ADAM17: variants seen among roughly 807,000 people sequenced by gnomAD.
The protein encoded by ADAM17 is disintegrin and metalloproteinase domain-containing protein 17.
A neutral mutation model predicts 96.7 loss-of-function variants in ADAM17; 39 were observed. The observed-to-expected ratio is 0.40, with a 90% confidence interval of 0.31 to 0.53. The LOEUF (loss-of-function observed/expected upper bound fraction) is 0.53. ADAM17 is among the 20% of genes least tolerant of loss of function. The pLI is 0.44. For synonymous variants in ADAM17, 344 were observed against 359.2 expected (o/e 0.96, Z 0.48); for missense variants, 777 against 1,013.2 (o/e 0.77, Z 3.17).
chr2:9,527,283 C>CAAAGA (rs34163664), intron 5 of ADAM17, among the ~76,000 whole-genome samples: 62,989 of 150,160 alleles, frequency 0.42, 14,173 homozygotes, highest in Middle Eastern at 0.61. Context: ...GATCGCGCTG[C>CAAAGA]AAACAAAACA....
chr2:9,526,352 A>C, intron 5 of ADAM17, 108 bp from the exon 6 acceptor site: 2 of 1,136,452 alleles, frequency 1.8e-6, no homozygotes, highest in Middle Eastern at 2.5e-4. Context: ...ATGTGAGCTT[A>C]ATATCACTAA....
intron 2 of ADAM17, among the ~76,000 whole-genome samples, chr2:9,539,221 C>A (rs1429100230): frequency 6.6e-6 from 1 of 151,922 alleles, no homozygotes; most frequent in East Asian, 1.9e-4. Flanking sequence ...CATTCCCCTG[C>A]CTCAGCCTCC....
At chr2:9,495,123 G>A (rs1347153668) in intron 14 of ADAM17, among the ~76,000 whole-genome samples, 1 of 152,170 alleles carries the variant, frequency 6.6e-6, no homozygotes, top group Admixed American at 6.5e-5. Context: ...TTCAATCCTT[G>A]GTTTTTCAGT....
chr2:9,543,567 T>C lies in ADAM17; in HGVS notation c.98-282A>G, dbSNP rs10179642. On this transcript the variant is annotated intron_variant, in intron 1 of 18. Transcript: ENST00000310823. ...TCAACAACTATCACTGCAGACACTATGGTATTCAAAATCCTTCCAATGGAC... is the reference window on the plus strand; with the variant it reads ...TCAACAACTATCACTGCAGACACTACGGTATTCAAAATCCTTCCAATGGAC... Among the ~76,000 whole-genome samples the C allele has an allele frequency of 0.16, 23,594 of 152,182 alleles. 1,951 individuals are homozygous for C. Among genetic ancestry groups the C allele is most frequent in the African/African-American group, 0.19 (7,899 of 41,506 alleles).
At chr2:9,529,543 G>A (rs138024851) in intron 4 of ADAM17, among the ~76,000 whole-genome samples, 7 of 152,290 alleles carry the variant, frequency 4.6e-5, no homozygotes, top group African/African-American at 1.7e-4. Flanking sequence ...TAAATAGACA[G>A]TAGATCCCTG....
intron 13 of ADAM17, among the ~76,000 whole-genome samples, chr2:9,498,058 C>T (rs1472023832): frequency 6.6e-6 from 1 of 152,116 alleles, no homozygotes; most frequent in Admixed American, 6.5e-5. Flanking sequence ...GAGACAGGGT[C>T]TCAGTCTGTC....
At position 9,523,237 on chromosome 2, in the gene ADAM17, ATT is replaced by A. The variant is rs759407563; in HGVS notation, c.843+10_843+11del. 1.3e-6 allele frequency: 2 copies of A among 1,579,230 alleles called. No homozygotes were observed. The highest frequency in any genetic ancestry group is 1.7e-6 in the Non-Finnish European group (2 of 1,154,650). On this transcript the variant is annotated intron_variant, in intron 7 of 18. Transcript: ENST00000310823. ...AACTTAAGTAATATAAGCCATATCT[ATT>A]GATAAATACCTGCTCTATCTGTATT...
chr2:9,533,611 A>G (rs1664841013), intron 4 of ADAM17, among the ~76,000 whole-genome samples: 2 of 152,208 alleles, frequency 1.3e-5, no homozygotes, highest in African/African-American at 2.4e-5. Flanking sequence ...AGCAAAAACA[A>G]TGCTGTGCAT....
chr2:9,532,398 T>C (rs1406490542), intron 4 of ADAM17, among the ~76,000 whole-genome samples: 1 of 152,164 alleles, frequency 6.6e-6, no homozygotes, highest in Admixed American at 6.5e-5. Context: ...TAAATCATTT[T>C]TTCAATAAAC....
At position 9,490,062 on chromosome 2, in the gene ADAM17, AC is replaced by A; in HGVS notation, c.*114del. ...TACCTGCAGGAAGTTCAAACACATGACCAGCATCTGCTAAGTCACTTCCCAG... is the reference window on the plus strand; with the variant it reads ...TACCTGCAGGAAGTTCAAACACATGACAGCATCTGCTAAGTCACTTCCCAG... On this transcript the variant is annotated 3_prime_UTR_variant, in exon 19 of 19. Coordinates refer to ENST00000310823, the MANE Select transcript of ADAM17 (RefSeq NM_003183.6). 1 of 999,630 alleles carries A rather than the reference AC, an allele frequency of 1.0e-6. No individual in the cohort carries two copies. The highest frequency in any genetic ancestry group is 1.4e-6 in the Non-Finnish European group (1 of 697,322). 61.9% of individuals were successfully genotyped at this position (999,630 alleles called of 1,614,324 possible).
chr2:9,491,900 A>C (rs1251145010), intron 17 of ADAM17, among the ~76,000 whole-genome samples: 1 of 152,228 alleles, frequency 6.6e-6, no homozygotes, highest in Non-Finnish European at 1.5e-5. Context: ...TAAACAAAAT[A>C]GGTTCCATCC....
chr2:9,526,621 C>T (rs1664541963), intron 5 of ADAM17, among the ~76,000 whole-genome samples: 1 of 152,028 alleles, frequency 6.6e-6, no homozygotes. Flanking sequence ...CATGATGAAA[C>T]CCCATCTCTA....
At chr2:9,514,644 C>T (rs944416164) in intron 10 of ADAM17, among the ~76,000 whole-genome samples, 8 of 147,708 alleles carry the variant, frequency 5.4e-5, no homozygotes, top group Admixed American at 3.4e-4. Context: ...GAGGCCAAGG[C>T]GGGCAGATCA....
chr2:9,522,281 T>C (rs35744046), intron 7 of ADAM17: 111,061 of 443,046 alleles, frequency 0.25, 16,262 homozygotes, highest in Non-Finnish European at 0.31. Context: ...GACATATACA[T>C]ACACTATACC....
chr2:9,500,937 A>T (rs1662961370), intron 13 of ADAM17, among the ~76,000 whole-genome samples: 1 of 152,240 alleles, frequency 6.6e-6, no homozygotes, highest in African/African-American at 2.4e-5. Flanking sequence ...AGCTGTGGAA[A>T]ATATCTTTTT....
At chr2:9,538,501 C>T (rs929679670) in intron 2 of ADAM17, among the ~76,000 whole-genome samples, 1 of 152,202 alleles carries the variant, frequency 6.6e-6, no homozygotes, top group Non-Finnish European at 1.5e-5. Context: ...TCTTCCCACA[C>T]ATTCTCAGTT....
At chr2:9,546,677 G>T (rs956234848) in intron 1 of ADAM17, among the ~76,000 whole-genome samples, 1 of 150,756 alleles carries the variant, frequency 6.6e-6, no homozygotes, top group Non-Finnish European at 1.5e-5. Context: ...ACCAGACACT[G>T]CCGCACTGTC....
rs985620851 is a variant in ADAM17 at position 9,491,787 on chromosome 2, T to C, written c.2083-636A>G. Among the ~76,000 whole-genome samples the C allele has an allele frequency of 5.9e-5, 9 of 152,198 alleles. No individual in the cohort carries two copies. In the East Asian group the frequency reaches 1.2e-3, roughly 20 times the overall value. On this transcript the variant is annotated intron_variant, in intron 17 of 18. Coordinates refer to ENST00000310823, the MANE Select transcript of ADAM17 (RefSeq NM_003183.6). ...GACTAGGCTTCCTGTCTGGGTGCCA[T>C]CAATGCATTCTATGACCAAAAACAA...
rs1664940910 is a variant in ADAM17, at chr2:9,535,873, T to C, written c.411A>G (p.Ile137Met). The C allele has an allele frequency of 1.9e-6, 3 of 1,605,694 alleles. No homozygotes were observed. Among genetic ancestry groups the C allele is most frequent in the African/African-American group, 2.7e-5 (2 of 74,644 alleles). ...CGGCCCCATCTGTGTTGATTCTGAT[T>C]ATAACATCATCATCTCTTATGTGGG... ...VLAHIRDDDVIIRINTDGAEY... is the reference protein window; with the variant it reads ...VLAHIRDDDVMIRINTDGAEY... The change falls in exon 4 of 19, where the codon ATA becomes ATG. Residue 137 changes from isoleucine to methionine, a missense_variant. Physicochemically the swap from Ile to Met is conservative, Grantham distance 10. Coordinates refer to ENST00000310823, the MANE Select transcript of ADAM17 (RefSeq NM_003183.6).
Sources: gnomAD v4.1 joint callset for allele counts (sites outside exome capture counted in the v4.1 genomes callset) on GRCh38, gnomAD v4.1.1 for gene constraint, MANE v1.5 for transcripts, NCBI Gene and HGNC (gene_info 2026-07-23, HGNC 2026-07-21) for gene names.